The following STARD13 variants were observed in gnomAD, a reference collection of about 807,000 sequenced individuals.
STARD13 encodes StAR related lipid transfer domain containing 13.
A neutral mutation model predicts 106.4 loss-of-function variants in STARD13; 62 were observed. The ratio of observed to expected loss-of-function variants is 0.58; its 90% CI spans 0.48 to 0.72. The LOEUF is 0.72. Ranked by LOEUF, STARD13 falls within the 30% of genes least tolerant of loss-of-function variation. The probability of loss-of-function intolerance (pLI) is 0.00; values close to 1 mark genes in which losing one functional copy is unlikely to be tolerated. For missense variants in STARD13, 1,387 were observed against 1,424.0 expected (o/e 0.97, Z 0.42); for synonymous variants, 565 against 553.0 (o/e 1.02, Z -0.31).
chr13:33,285,404 G>A (rs1322223481), intron 1 of STARD13, 66 bp downstream of exon 1: 1 of 1,502,494 alleles, frequency 6.7e-7, no homozygotes, highest in Non-Finnish European at 9.0e-7. Flanking sequence ...AAAAAAACTG[G>A]GTTAGCATGA....
intron 1 of STARD13, among the ~76,000 whole-genome samples, chr13:33,194,147 A>G (rs1327240389): frequency 1.3e-5 from 2 of 152,172 alleles, no homozygotes; most frequent in African/African-American, 2.4e-5. Context: ...TCTTGCCTCA[A>G]TCTGGACTTA....
rs376656155 is a variant in STARD13 at position 33,113,848 on chromosome 13, C to T, written c.2282-917G>A. Among the ~76,000 whole-genome samples the T allele has an allele frequency of 2.0e-5, 3 of 152,292 alleles. No homozygotes were observed. The East Asian group carries it at 5.8e-4, about 29-fold the overall frequency. On this transcript the variant is annotated intron_variant, in intron 8 of 13. Coordinates refer to ENST00000336934, the MANE Select transcript of STARD13 (RefSeq NM_178006.4). ...AATGAGTGATAGGTGCTGCCTTTTGCTGCTCCCACCTGTGGCTGTGTTTAT... is the reference window on the plus strand; with the variant it reads ...AATGAGTGATAGGTGCTGCCTTTTGTTGCTCCCACCTGTGGCTGTGTTTAT...
the STARD13 span, among the ~76,000 whole-genome samples, chr13:33,448,281 T>C: frequency 9.2e-5 from 14 of 152,124 alleles, no homozygotes; most frequent in Admixed American, 9.2e-4. Flanking sequence ...ACACTTCCCA[T>C]CCTCTGGTAA....
the STARD13 span, among the ~76,000 whole-genome samples, chr13:33,463,687 G>A: frequency 1.5e-4 from 23 of 152,204 alleles, no homozygotes; most frequent in Admixed American, 1.2e-3. Context: ...GTAACCTGGT[G>A]GGAACTAGTG....
chr13:33,410,330 A>G, the STARD13 span, among the ~76,000 whole-genome samples: 1 of 152,232 alleles, frequency 6.6e-6, no homozygotes, highest in Non-Finnish European at 1.5e-5. Flanking sequence ...TGTAGGTGCT[A>G]TACACCCTCT....
rs1467163259 is a variant in STARD13, at chr13:33,280,791, A to G, written c.169+4679T>C. On this transcript the variant is annotated intron_variant, in intron 1 of 13. Coordinates refer to ENST00000336934, the MANE Select transcript of STARD13 (RefSeq NM_178006.4). ...TTAAGGTAATACTTGTGATTGCAGA[A>G]TCCTAGAATGTAGAGATGATGGGGA... 2.6e-5 allele frequency: 4 copies of G among 152,328 alleles called. No homozygotes were observed. The East Asian group carries it at 7.7e-4, about 29-fold the overall frequency. The allele number at this position is 152,328 out of a possible 1,614,324, so 9.4% of individuals were successfully genotyped here. A position where few individuals can be genotyped will look rare whatever the true frequency, so the allele number is the denominator to read the frequency against.
intron 1 of STARD13, among the ~76,000 whole-genome samples, chr13:33,230,771 T>A (rs894458769): frequency 1.3e-5 from 2 of 152,248 alleles, no homozygotes; most frequent in Non-Finnish European, 1.5e-5. Flanking sequence ...AATGATTAAT[T>A]TGTTCAGTTT....
At chr13:33,528,748 A>C in the STARD13 span, among the ~76,000 whole-genome samples, 1 of 151,970 alleles carries the variant, frequency 6.6e-6, no homozygotes, top group African/African-American at 2.4e-5. Flanking sequence ...TGGTCACGAG[A>C]TTTCTTTTTT....
At chr13:33,391,415 C>T in the STARD13 span, among the ~76,000 whole-genome samples, 1 of 152,066 alleles carries the variant, frequency 6.6e-6, no homozygotes, top group Non-Finnish European at 1.5e-5. Context: ...GAACATTTAC[C>T]GTAAATCAAG....
chr13:33,161,254 G>C (rs1882591269), intron 3 of STARD13, among the ~76,000 whole-genome samples: 1 of 151,858 alleles, frequency 6.6e-6, no homozygotes, highest in African/African-American at 2.4e-5. Context: ...GAGTTTGGGA[G>C]TAGGAGTAGA....
intron 1 of STARD13, chr13:33,276,075 A>G (rs1246172314): frequency 6.6e-6 from 1 of 152,206 alleles, no homozygotes; most frequent in Non-Finnish European, 1.5e-5. Context: ...TCCTTCTTCT[A>G]GGAAGTCAGT....
the STARD13 span, among the ~76,000 whole-genome samples, chr13:33,603,647 G>A: frequency 6.6e-6 from 1 of 151,824 alleles, no homozygotes; most frequent in Non-Finnish European, 1.5e-5. Context: ...CCCCTAACCT[G>A]GTCAATTAAA....
the STARD13 span, among the ~76,000 whole-genome samples, chr13:33,490,149 TTG>T: frequency 6.6e-6 from 1 of 152,146 alleles, no homozygotes; most frequent in Non-Finnish European, 1.5e-5. Flanking sequence ...TTTCAAAAAT[TTG>T]TTTTTTTATG....
intron 12 of STARD13, among the ~76,000 whole-genome samples, chr13:33,108,087 G>A (rs909541617): frequency 4.6e-5 from 7 of 152,186 alleles, no homozygotes; most frequent in African/African-American, 1.4e-4. Flanking sequence ...ACTGAAAGTT[G>A]TAGAGATTTG....
rs1231089702 is a variant in STARD13, at chr13:33,146,400, C to T, written c.324-4027G>A. The stretch of plus-strand genomic sequence containing the variant: ...ACAGGAGGCTGAAGTGAGAGGATCA[C>T]TTGAGCCTGGGAGGTCAAGGCTGCA... On this transcript the variant is annotated intron_variant, in intron 3 of 13. Coordinates refer to ENST00000336934, the MANE Select transcript of STARD13 (RefSeq NM_178006.4). Among the ~76,000 whole-genome samples the T allele has an allele frequency of 2.0e-5, 3 of 152,118 alleles. No homozygotes were observed. The East Asian group carries it at 5.8e-4, about 29-fold the overall frequency.
At chr13:33,123,451 G>A (rs1876674695) in intron 7 of STARD13, among the ~76,000 whole-genome samples, 1 of 152,224 alleles carries the variant, frequency 6.6e-6, no homozygotes, top group South Asian at 2.1e-4. Flanking sequence ...CATAAGAAGA[G>A]TATGCAGCAG....
At chr13:33,253,804 G>T (rs768795683) in intron 1 of STARD13, among the ~76,000 whole-genome samples, 2 of 152,138 alleles carry the variant, frequency 1.3e-5, no homozygotes, top group African/African-American at 4.8e-5. Flanking sequence ...AAAATAGTAC[G>T]ATCTAAAGAT....
upstream of STARD13, among the ~76,000 whole-genome samples, chr13:33,290,489 T>C (rs1230418320): frequency 6.6e-6 from 1 of 152,234 alleles, no homozygotes; most frequent in Non-Finnish European, 1.5e-5. Context: ...GCAGACAAGC[T>C]GGTGACACTA....
chr13:33,536,884 T>C, the STARD13 span, among the ~76,000 whole-genome samples: 1 of 152,226 alleles, frequency 6.6e-6, no homozygotes, highest in Non-Finnish European at 1.5e-5. Flanking sequence ...ACAGTCTTAG[T>C]GAAACTGCCT....
Sources: gnomAD v4.1 joint callset for allele counts (sites outside exome capture counted in the v4.1 genomes callset) on GRCh38, gnomAD v4.1.1 for gene constraint, MANE v1.5 for transcripts, NCBI Gene and HGNC (gene_info 2026-07-23, HGNC 2026-07-21) for gene names.